HMCN1: variants seen among roughly 807,000 people sequenced by gnomAD.
HMCN1 encodes hemicentin 1.
HMCN1 carries 321 observed loss-of-function variants against 625.9 expected under a neutral mutation model. The observed-to-expected ratio is 0.51, with a 90% CI of 0.47 to 0.56. The LOEUF (loss-of-function observed/expected upper bound fraction) is 0.56, where lower values mean the gene tolerates loss of function less well. Ranked by LOEUF, HMCN1 falls within the 20% of genes least tolerant of loss-of-function variation. The probability of loss-of-function intolerance (pLI) is 0.00; values close to 1 mark genes in which losing one functional copy is unlikely to be tolerated. For synonymous variants in HMCN1, 2,425 were observed against 2,417.6 expected (o/e 1.00, Z -0.09); for missense variants, 6,588 against 6,887.3 (o/e 0.96, Z 1.54).
intron 2 of HMCN1, among the ~76,000 whole-genome samples, chr1:185,850,779 T>C (rs2102328181): frequency 6.6e-6 from 1 of 152,292 alleles, no homozygotes; most frequent in Middle Eastern, 3.4e-3. Flanking sequence ...ATTTTCTTTT[T>C]TTTTTCTCCC....
chr1:185,959,203 C>T (rs1021632474), intron 11 of HMCN1, among the ~76,000 whole-genome samples: 2 of 152,052 alleles, frequency 1.3e-5, no homozygotes, highest in Non-Finnish European at 2.9e-5. Flanking sequence ...AAGAAAAAGT[C>T]CTTAGGTATT....
Position 186,095,392 on chromosome 1 carries a change from C to A in HMCN1, c.10444C>A (p.Leu3482Met). ...CCAGCCTCTGGGGCTTGATGCCCAT[C>A]TGACAGTCAGCACCCATGGAATGGT... is the stretch of plus-strand genomic sequence containing the variant. ...DGQPLGLDAHLTVSTHGMVLQ... is the reference protein window; with the variant it reads ...DGQPLGLDAHMTVSTHGMVLQ... The change falls in exon 68 of 107, where the codon CTG becomes ATG. Residue 3482 changes from leucine to methionine, a missense_variant. Physicochemically the swap from Leu to Met is conservative, Grantham distance 15 (BLOSUM62 2). This residue lies in a region of HMCN1 where 4,628 missense variants were observed against 4,853.1 expected (regional missense o/e 0.95). Transcript: ENST00000271588. 1 of 1,613,756 alleles carries A rather than the reference C, an allele frequency of 6.2e-7. No homozygotes were observed. The highest frequency in any genetic ancestry group is 8.5e-7 in the Non-Finnish European group (1 of 1,179,866).
intron 4 of HMCN1, among the ~76,000 whole-genome samples, chr1:185,868,371 A>G (rs1488329673): frequency 6.6e-6 from 1 of 151,792 alleles, no homozygotes; most frequent in Non-Finnish European, 1.5e-5. Flanking sequence ...ATCAGTTCTC[A>G]TTTTACATTG....
chr1:186,000,559 A>ATGTGTGTGTGTG lies in HMCN1; in HGVS notation c.4069+342_4069+353dup, dbSNP rs68110596. 8.1e-3 allele frequency among the ~76,000 whole-genome samples: 1,179 copies of ATGTGTGTGTGTG among 144,722 alleles called. 18 individuals carry two copies. Among genetic ancestry groups the ATGTGTGTGTGTG allele is most frequent in the African/African-American group, 0.028 (1,115 of 39,660 alleles). 94.9% of individuals were successfully genotyped at this position (144,722 alleles called of 152,430 possible). ...GCGTGTAGGGTGTGTGTGTGTGTGT[A>ATGTGTGTGTGTG]TGTGTGTGTGTGTGTGTGTGTGTGT... On this transcript the variant is annotated intron_variant, in intron 26 of 106. Transcript: ENST00000271588.
intron 11 of HMCN1, among the ~76,000 whole-genome samples, chr1:185,953,993 TTGAGCCAGGA>T (rs1447890555): frequency 3.3e-5 from 5 of 151,096 alleles, no homozygotes; most frequent in Non-Finnish European, 5.9e-5. Flanking sequence ...GGGGTGCTTT[TTGAGCCAGGA>T]TGAGCCAGGA....
Position 185,920,624 on chromosome 1 carries a change from G to A in HMCN1, c.901-1755G>A, listed in dbSNP as rs74399306. Among the ~76,000 whole-genome samples the A allele has an allele frequency of 2.1e-3, 323 of 151,912 alleles. 4 individuals carry two copies. The highest frequency in any genetic ancestry group is 7.1e-3 in the African/African-American group (293 of 41,424). ...CCCTCTTCATCAAATCTACTTTAAC[G>A]TGTTATTTAGTAATAGATGTTAACA... On this transcript the variant is annotated intron_variant, in intron 6 of 106. Transcript: ENST00000271588.
At chr1:185,765,319 GA>G (rs1459123578) in intron 1 of HMCN1, among the ~76,000 whole-genome samples, 2 of 152,042 alleles carry the variant, frequency 1.3e-5, no homozygotes, top group African/African-American at 4.8e-5. Flanking sequence ...AAAAACGGAG[GA>G]GAGAGAAAGA....
chr1:186,140,908 G>T (rs1407922314), intron 89 of HMCN1, among the ~76,000 whole-genome samples: 1 of 152,066 alleles, frequency 6.6e-6, no homozygotes, highest in Non-Finnish European at 1.5e-5. Flanking sequence ...CAGATCGAGG[G>T]TTGGGGGGAT....
At chr1:185,912,784 T>TC in intron 6 of HMCN1, among the ~76,000 whole-genome samples, 1 of 152,218 alleles carries the variant, frequency 6.6e-6, no homozygotes, top group Non-Finnish European at 1.5e-5. Context: ...CTGTATTATC[T>TC]CCTCTCTTCC....
intron 30 of HMCN1, 90 bp downstream of exon 30, chr1:186,007,372 C>A (rs1025732373): frequency 9.9e-6 from 12 of 1,213,584 alleles, no homozygotes; most frequent in Admixed American, 8.6e-5. Context: ...TTATTTCATA[C>A]TGAATAATTT....
At chr1:186,151,167 C>CTTATCCAGGAATGTTTT in intron 93 of HMCN1, 33 bp from the exon 94 acceptor site, 1 of 1,611,778 alleles carries the variant, frequency 6.2e-7, no homozygotes, top group Non-Finnish European at 8.5e-7. Context: ...AAATTGCATC[C>CTTATCCAGGAATGTTTT]TTATCCAGGA....
At chr1:186,140,398 T>G (rs1175353679) in intron 89 of HMCN1, among the ~76,000 whole-genome samples, 1 of 152,206 alleles carries the variant, frequency 6.6e-6, no homozygotes, top group Non-Finnish European at 1.5e-5. Flanking sequence ...TTTGGATTTG[T>G]CTAACATCTC....
At position 186,137,880 on chromosome 1, in the gene HMCN1, G is replaced by A. The variant is rs754830202; in HGVS notation, c.13832G>A (p.Arg4611Lys). The A allele has an allele frequency of 4.3e-6, 7 of 1,613,968 alleles. No homozygotes were observed. In the East Asian group the frequency reaches 8.9e-5, roughly 21 times the overall value. Reference sequence around the variant, plus strand: ...GGACGCGGCAACCAAACCAGGACCAGGACTTGCAATAATCCATCAGTTCAG... The same window carrying A: ...GGACGCGGCAACCAAACCAGGACCAAGACTTGCAATAATCCATCAGTTCAG... ...SCGRGNQTRTRTCNNPSVQHG... is the reference protein window; with the variant it reads ...SCGRGNQTRTKTCNNPSVQHG... Residue 4611 changes from arginine to lysine, a missense_variant, in exon 89 of 107, where the codon AGG becomes AAG. By Grantham distance (26) the Arg-to-Lys change is conservative. Around this residue, in one of 3 missense-constraint regions of HMCN1, gnomAD observed 1,954 missense variants for 2,013.1 expected, o/e 0.97. Transcript: ENST00000271588.
At chr1:185,835,329 TC>T (rs1399084440) in intron 1 of HMCN1, among the ~76,000 whole-genome samples, 1 of 152,146 alleles carries the variant, frequency 6.6e-6, no homozygotes, top group African/African-American at 2.4e-5. Flanking sequence ...TTGTTTCTCT[TC>T]TGTAGTTTTT....
intron 42 of HMCN1, among the ~76,000 whole-genome samples, chr1:186,051,642 CAG>C (rs1386141950): frequency 6.6e-6 from 1 of 151,966 alleles, no homozygotes; most frequent in Non-Finnish European, 1.5e-5. Context: ...CAGTGACAAA[CAG>C]AGTAAACTGT....
intron 4 of HMCN1, among the ~76,000 whole-genome samples, chr1:185,903,296 G>A (rs1665918698): frequency 6.6e-6 from 1 of 151,652 alleles, no homozygotes; most frequent in African/African-American, 2.4e-5. Context: ...AGTATTGGGT[G>A]CTCATTGAGT....
chr1:185,931,723 A>G (rs1355840867), intron 10 of HMCN1, among the ~76,000 whole-genome samples: 1 of 152,094 alleles, frequency 6.6e-6, no homozygotes, highest in African/African-American at 2.4e-5. Flanking sequence ...GAGCCAGGAG[A>G]GCTGGGTCTT....
At chr1:185,803,741 G>A (rs1658977650) in intron 1 of HMCN1, among the ~76,000 whole-genome samples, 1 of 151,976 alleles carries the variant, frequency 6.6e-6, no homozygotes, top group South Asian at 2.1e-4. Flanking sequence ...TTTGATTTCT[G>A]TTAAAACCTT....
At chr1:186,153,661 C>T (rs1650808436) in intron 96 of HMCN1, 89 bp from the exon 97 acceptor site, 1 of 1,027,072 alleles carries the variant, frequency 9.7e-7, no homozygotes, top group African/African-American at 1.6e-5. Flanking sequence ...AATCCTTTTT[C>T]CCCGCTCATT....
Sources: gnomAD v4.1 joint callset for allele counts (sites outside exome capture counted in the v4.1 genomes callset) on GRCh38, gnomAD v4.1.1 for gene constraint, gnomAD v4.1.1 regional missense constraint, MANE v1.5 for transcripts, NCBI Gene and HGNC (gene_info 2026-07-23, HGNC 2026-07-21) for gene names.